The following HMGCLL1 variants were observed in gnomAD, a reference collection of about 807,000 sequenced individuals.
HMGCLL1 encodes the protein 3-hydroxymethyl-3-methylglutaryl-CoA lyase, cytoplasmic.
HMGCLL1 carries 36 observed loss-of-function variants against 39.1 expected under a neutral mutation model. The ratio of observed to expected loss-of-function variants is 0.92; its 90% CI spans 0.71 to 1.22. HMGCLL1 has a LOEUF of 1.22. Ranked by LOEUF, HMGCLL1 falls within the 50% of genes most tolerant of loss-of-function variation. The pLI is 0.00. For missense variants in HMGCLL1, 451 were observed against 416.5 expected (o/e 1.08, Z -0.72); for synonymous variants, 149 against 144.0 (o/e 1.03, Z -0.25).
chr6:55,588,173 A>G, the HMGCLL1 span, among the ~76,000 whole-genome samples: 2 of 152,194 alleles, frequency 1.3e-5, no homozygotes, highest in African/African-American at 4.8e-5. Flanking sequence ...TCCTCAGCAA[A>G]TGTAAAAGAA....
chr6:55,626,608 T>C, the HMGCLL1 span, among the ~76,000 whole-genome samples: 3 of 152,006 alleles, frequency 2.0e-5, no homozygotes, highest in Non-Finnish European at 2.9e-5. Context: ...GGGGTGGAAG[T>C]AGAAGTGGCA....
At chr6:55,473,638 TAAG>T (rs1369604787) in intron 7 of HMGCLL1, among the ~76,000 whole-genome samples, 8 of 151,618 alleles carry the variant, frequency 5.3e-5, no homozygotes, top group African/African-American at 1.7e-4. Flanking sequence ...ATAGATGAAT[TAAG>T]AATAATTAAA....
chr6:55,466,888 A>G (rs1764817643), intron 7 of HMGCLL1, among the ~76,000 whole-genome samples: 1 of 152,096 alleles, frequency 6.6e-6, no homozygotes, highest in Non-Finnish European at 1.5e-5. Flanking sequence ...CCTGCTGGAT[A>G]AAGTTCAAGA....
the HMGCLL1 span, among the ~76,000 whole-genome samples, chr6:55,631,491 G>A: frequency 6.6e-6 from 1 of 151,984 alleles, no homozygotes; most frequent in Admixed American, 6.6e-5. Context: ...CCAGCGTCAG[G>A]ACGCTGAGAC....
chr6:55,477,444 A>AT (rs1344890005), intron 7 of HMGCLL1, among the ~76,000 whole-genome samples: 15 of 54,030 alleles, frequency 2.8e-4, no homozygotes, highest in Non-Finnish European at 4.5e-4. Flanking sequence ...TATATTATAT[A>AT]TATAATATAT....
intron 7 of HMGCLL1, among the ~76,000 whole-genome samples, chr6:55,494,311 A>T (rs184356768): frequency 1.5e-3 from 215 of 142,954 alleles, no homozygotes; most frequent in Non-Finnish European, 2.6e-3. Flanking sequence ...ATTCATACAG[A>T]GAAACGAGAG....
the HMGCLL1 span, among the ~76,000 whole-genome samples, chr6:55,666,113 G>A: frequency 6.6e-6 from 1 of 151,592 alleles, no homozygotes; most frequent in African/African-American, 2.4e-5. Flanking sequence ...TCCCCTACAG[G>A]AATGTACTTC....
chr6:55,491,700 TACATTAAAAATTC>T (rs1766319153), intron 7 of HMGCLL1, among the ~76,000 whole-genome samples: 1 of 152,134 alleles, frequency 6.6e-6, no homozygotes, highest in African/African-American at 2.4e-5. Context: ...GCTAAATTTT[TACATTAAAAATTC>T]AGATAAGTTT....
chr6:55,565,357 C>T (rs1162981715), intron 1 of HMGCLL1, among the ~76,000 whole-genome samples: 2 of 152,004 alleles, frequency 1.3e-5, no homozygotes, highest in Non-Finnish European at 2.9e-5. Context: ...TATTTTGCTA[C>T]TTGGTAAAGA....
At chr6:55,519,315 A>G (rs749818865) in intron 3 of HMGCLL1, among the ~76,000 whole-genome samples, 13 of 152,120 alleles carry the variant, frequency 8.5e-5, no homozygotes, top group South Asian at 4.1e-4. Context: ...GTAGAAAAAA[A>G]ATGGTACTGG....
chr6:55,492,943 C>G (rs574014918), intron 7 of HMGCLL1, among the ~76,000 whole-genome samples: 1 of 152,014 alleles, frequency 6.6e-6, no homozygotes, highest in Non-Finnish European at 1.5e-5. Context: ...CTGAGGGGTA[C>G]AGTATCGATC....
chr6:55,596,676 T>G, the HMGCLL1 span, among the ~76,000 whole-genome samples: 1 of 152,242 alleles, frequency 6.6e-6, no homozygotes, highest in Non-Finnish European at 1.5e-5. Flanking sequence ...GATTAGCAGT[T>G]TAAAATCTCA....
At chr6:55,523,323 G>T (rs1768131305) in intron 3 of HMGCLL1, among the ~76,000 whole-genome samples, 1 of 151,992 alleles carries the variant, frequency 6.6e-6, no homozygotes, top group Non-Finnish European at 1.5e-5. Flanking sequence ...AAACAGTCAT[G>T]ATATTCGGGA....
the HMGCLL1 span, among the ~76,000 whole-genome samples, chr6:55,663,003 T>C: frequency 2.6e-5 from 4 of 151,706 alleles, no homozygotes; most frequent in Admixed American, 2.0e-4. Flanking sequence ...TCTCTGATAG[T>C]TGTATTTCTG....
intron 7 of HMGCLL1, among the ~76,000 whole-genome samples, chr6:55,467,827 T>C (rs916652216): frequency 1.4e-4 from 22 of 151,982 alleles, no homozygotes; most frequent in African/African-American, 4.8e-4. Flanking sequence ...GCCTTTCTCC[T>C]TACTAATGAG....
At chr6:55,481,034 A>G (rs1388371464) in intron 7 of HMGCLL1, among the ~76,000 whole-genome samples, 1 of 152,098 alleles carries the variant, frequency 6.6e-6, no homozygotes, top group Non-Finnish European at 1.5e-5. Flanking sequence ...AAATATAGAA[A>G]GAATGAATAA....
chr6:55,606,925 G>A, the HMGCLL1 span, among the ~76,000 whole-genome samples: 1 of 151,888 alleles, frequency 6.6e-6, no homozygotes, highest in Non-Finnish European at 1.5e-5. Context: ...AGAGAGAGAG[G>A]AGAGAAGAGA....
the HMGCLL1 span, among the ~76,000 whole-genome samples, chr6:55,604,536 T>A: frequency 6.6e-6 from 1 of 152,102 alleles, no homozygotes; most frequent in Non-Finnish European, 1.5e-5. Context: ...ACAAAAGAAA[T>A]TTTTGAAAGT....
the HMGCLL1 span, among the ~76,000 whole-genome samples, chr6:55,650,106 T>TACACACAC: frequency 1.4e-5 from 1 of 71,170 alleles, no homozygotes; most frequent in Non-Finnish European, 2.5e-5. Flanking sequence ...TATATATATA[T>TACACACAC]ATATATATAT....
Sources: gnomAD v4.1 joint callset for allele counts (sites outside exome capture counted in the v4.1 genomes callset) on GRCh38, gnomAD v4.1.1 for gene constraint, MANE v1.5 for transcripts, NCBI Gene and HGNC (gene_info 2026-07-23, HGNC 2026-07-21) for gene names.